Variants in ST8SIA4 observed in about 807,000 individuals in gnomAD.
ST8SIA4 encodes ST8 alpha-N-acetyl-neuraminide alpha-2,8-sialyltransferase 4.
ST8SIA4 carries 15 observed loss-of-function variants against 33.9 expected under a neutral mutation model. The observed-to-expected ratio is 0.44, with a 90% CI of 0.30 to 0.68. ST8SIA4 has a LOEUF of 0.68. Ranked by LOEUF, ST8SIA4 falls within the 30% of genes least tolerant of loss-of-function variation. The pLI, the probability that ST8SIA4 is intolerant of heterozygous loss-of-function variation, is 0.10. For missense variants in ST8SIA4, 321 were observed against 428.0 expected, an observed-to-expected ratio of 0.75 and a Z score of 2.21; for synonymous variants, 171 against 151.2, an observed-to-expected ratio of 1.13 and a Z score of -0.96.
At chr5:100,852,895 T>C (rs1751735340) in intron 4 of ST8SIA4, among the ~76,000 whole-genome samples, 1 of 152,240 alleles carries the variant, frequency 6.6e-6, no homozygotes, top group African/African-American at 2.4e-5. Context: ...TTCAGGAATC[T>C]TGTTTTACAA....
At chr5:100,821,761 G>A (rs1751034920) in intron 4 of ST8SIA4, among the ~76,000 whole-genome samples, 1 of 152,180 alleles carries the variant, frequency 6.6e-6, no homozygotes, top group East Asian at 1.9e-4. Context: ...ATTCTAAGTG[G>A]TTCCTAAAAG....
At chr5:100,820,621 C>T (rs1561384297) in intron 4 of ST8SIA4, among the ~76,000 whole-genome samples, 1 of 152,048 alleles carries the variant, frequency 6.6e-6, no homozygotes, top group Non-Finnish European at 1.5e-5. Context: ...AAAATGGAAT[C>T]TTGCTGAAAA....
intron 3 of ST8SIA4, among the ~76,000 whole-genome samples, chr5:100,879,507 T>C (rs1026101110): frequency 2.6e-5 from 4 of 152,126 alleles, no homozygotes; most frequent in African/African-American, 9.7e-5. Flanking sequence ...AAAGGAATAA[T>C]ATAATAGAGA....
chr5:100,814,712 G>A (rs1030665376), intron 4 of ST8SIA4, among the ~76,000 whole-genome samples: 1 of 151,916 alleles, frequency 6.6e-6, no homozygotes, highest in Non-Finnish European at 1.5e-5. Context: ...ACCTAATGTT[G>A]TGTTTGAAAT....
chr5:100,878,383 G>A (rs1033321020), intron 3 of ST8SIA4, among the ~76,000 whole-genome samples: 2 of 151,992 alleles, frequency 1.3e-5, no homozygotes, highest in African/African-American at 4.8e-5. Context: ...CTCCATGTTG[G>A]TCAGGCTGGT....
chr5:100,867,172 T>C (rs1031340147), intron 3 of ST8SIA4, among the ~76,000 whole-genome samples: 2 of 152,066 alleles, frequency 1.3e-5, no homozygotes, highest in African/African-American at 4.8e-5. Context: ...TTTATTTGCC[T>C]GAGGAATGCA....
chr5:100,855,432 G>A (rs1751793461), intron 4 of ST8SIA4, among the ~76,000 whole-genome samples: 1 of 152,130 alleles, frequency 6.6e-6, no homozygotes, highest in South Asian at 2.1e-4. Flanking sequence ...CTGACACTCA[G>A]TACACTTCCA....
intron 1 of ST8SIA4, among the ~76,000 whole-genome samples, chr5:100,900,823 A>G (rs1376485254): frequency 2.6e-5 from 4 of 152,250 alleles, no homozygotes; most frequent in Admixed American, 1.3e-4. Context: ...GAGTCCTGCA[A>G]TAAAGGTTTC....
chr5:100,887,514 C>T (rs575966034), intron 2 of ST8SIA4, among the ~76,000 whole-genome samples: 7 of 152,122 alleles, frequency 4.6e-5, no homozygotes, highest in Middle Eastern at 3.4e-3. Flanking sequence ...TTGGTCAATA[C>T]TTAGCCTAGC....
At chr5:100,838,493 C>T (rs901992739) in intron 4 of ST8SIA4, among the ~76,000 whole-genome samples, 6 of 151,642 alleles carry the variant, frequency 4.0e-5, no homozygotes, top group East Asian at 1.9e-4. Context: ...AGACTGCTAA[C>T]GAATACACAT....
intron 4 of ST8SIA4, among the ~76,000 whole-genome samples, chr5:100,838,293 GT>G (rs1293869299): frequency 7.2e-5 from 11 of 152,006 alleles, no homozygotes; most frequent in Non-Finnish European, 1.6e-4. Context: ...ATACTTAGAT[GT>G]TGACAGTTAA....
intron 3 of ST8SIA4, among the ~76,000 whole-genome samples, chr5:100,869,034 T>C (rs1323899994): frequency 6.6e-6 from 1 of 152,148 alleles, no homozygotes; most frequent in Non-Finnish European, 1.5e-5. Flanking sequence ...TGAGTACCTT[T>C]AATAAAGCAA....
chr5:100,853,813 T>G (rs1751753243), intron 4 of ST8SIA4, among the ~76,000 whole-genome samples: 1 of 152,204 alleles, frequency 6.6e-6, no homozygotes, highest in Non-Finnish European at 1.5e-5. Context: ...ATTTCATGCT[T>G]TGGTTTTGGT....
chr5:100,895,804 G>T lies in ST8SIA4; in HGVS notation c.114-19C>A. 2.5e-6 allele frequency: 4 copies of T among 1,610,346 alleles called. No individual in the cohort carries two copies. The highest frequency in any genetic ancestry group is 3.4e-6 in the Non-Finnish European group (4 of 1,177,992). On this transcript the variant is annotated intron_variant, in intron 1 of 4. Coordinates refer to ENST00000231461, the MANE Select transcript of ST8SIA4 (RefSeq NM_005668.6). ...ACCATCTCTGAAACAAAACAAAATT[G>T]CCAGCTTTGTGAAAGTAAGAAACAT... is the stretch of plus-strand genomic sequence containing the variant.
intron 1 of ST8SIA4, chr5:100,900,444 C>A (rs776736595): frequency 2.4e-5 from 11 of 456,202 alleles, no homozygotes; most frequent in South Asian, 1.7e-4. Flanking sequence ...TTTTATGAGT[C>A]AACTCCTCCA....
intron 3 of ST8SIA4, among the ~76,000 whole-genome samples, chr5:100,866,854 A>C (rs1196890683): frequency 6.6e-6 from 1 of 152,066 alleles, no homozygotes. Flanking sequence ...ACCTGGGCTA[A>C]ATAAACATAC....
At chr5:100,886,297 A>G in intron 3 of ST8SIA4, 46 bp downstream of exon 3, 1 of 1,583,932 alleles carries the variant, frequency 6.3e-7, no homozygotes, top group South Asian at 1.2e-5. Flanking sequence ...CCCAAGTAAA[A>G]TATCTTTGAA....
intron 3 of ST8SIA4, among the ~76,000 whole-genome samples, chr5:100,868,898 T>A (rs943248877): frequency 6.6e-6 from 1 of 152,128 alleles, no homozygotes; most frequent in Admixed American, 6.6e-5. Flanking sequence ...TTCTACTATA[T>A]ATTAAACTCT....
At chr5:100,894,680 A>G (rs1199394559) in intron 2 of ST8SIA4, among the ~76,000 whole-genome samples, 1 of 152,074 alleles carries the variant, frequency 6.6e-6, no homozygotes, top group East Asian at 1.9e-4. Context: ...TACTCTAAAG[A>G]TGAGTGTAAT....
Sources: allele counts gnomAD v4.1 joint callset (sites outside exome capture counted in the v4.1 genomes callset), GRCh38; gene constraint gnomAD v4.1.1; transcripts MANE v1.5; gene names NCBI Gene and HGNC (gene_info 2026-07-23, HGNC 2026-07-21).